RAP1B: variants seen among roughly 807,000 people sequenced by gnomAD.
The protein encoded by RAP1B is ras-related protein Rap-1b.
Under a neutral mutation model 27.5 loss-of-function variants are expected in RAP1B, and 1 was observed. That is an observed-to-expected ratio of 0.04 (90% CI 0.01 to 0.17). The LOEUF (loss-of-function observed/expected upper bound fraction) is 0.17, where lower values mean the gene tolerates loss of function less well. Among genes scored for constraint, RAP1B ranks in the 10% least tolerant of loss-of-function variants. RAP1B has a pLI of 1.00. For missense variants in RAP1B, 84 were observed against 214.8 expected (o/e 0.39, Z 3.81); for synonymous variants, 75 against 73.1 (o/e 1.03, Z -0.13).
chr12:68,630,673 GTTTTTGTT>G (rs1430114710), intron 1 of RAP1B, among the ~76,000 whole-genome samples: 9 of 151,766 alleles, frequency 5.9e-5, no homozygotes, highest in African/African-American at 2.2e-4. Context: ...GGTCTTTTTT[GTTTTTGTT>G]TTTTTGTTTT....
At chr12:68,635,876 T>C (rs911306086) in intron 1 of RAP1B, among the ~76,000 whole-genome samples, 1 of 123,988 alleles carries the variant, frequency 8.1e-6, no homozygotes. Context: ...ATTTTGGTTA[T>C]ACCCATGAAA....
At chr12:68,642,923 T>A (rs887176492) in intron 1 of RAP1B, 1 of 922,128 alleles carries the variant, frequency 1.1e-6, no homozygotes, top group Non-Finnish European at 1.8e-6. Flanking sequence ...AATGGCCTTT[T>A]GGTTCTGGGG....
Position 68,610,994 on chromosome 12 carries a change from G to A in RAP1B, c.-76G>A, listed in dbSNP as rs966110899. ...CGTGGCGCCTAGAGTAGCGACCCGGGGGGAGCGCGGGGCGACGCTGGCTGC... is the reference window on the plus strand; with the variant it reads ...CGTGGCGCCTAGAGTAGCGACCCGGAGGGAGCGCGGGGCGACGCTGGCTGC... On this transcript the variant is annotated 5_prime_UTR_variant, in exon 1 of 8. Transcript: ENST00000250559. The A allele has an allele frequency of 2.8e-5, 9 of 324,542 alleles. No individual in the cohort carries two copies. Among genetic ancestry groups the A allele is most frequent in the Middle Eastern group, 8.5e-4 (1 of 1,178 alleles). The allele number at this position is 324,542 out of a possible 1,614,324, so 20.1% of individuals were successfully genotyped here. A position where few individuals can be genotyped will look rare whatever the true frequency, so the allele number is the denominator to read the frequency against.
At position 68,640,001 on chromosome 12, in the gene RAP1B, C is replaced by T. The variant is rs1294703602; in HGVS notation, c.-26-8698C>T. 6.6e-5 allele frequency among the ~76,000 whole-genome samples: 10 copies of T among 151,916 alleles called. 1 individual carries two copies. The highest frequency in any genetic ancestry group is 6.6e-4 in the Admixed American group (10 of 15,258). On this transcript the variant is annotated intron_variant, in intron 1 of 7. Transcript: ENST00000250559. ...GATTACAGGCATGCACCACCACAAC[C>T]GGCTAATTTTTGTATTTTTAGTAGA...
chr12:68,656,630 CTA>C, intron 6 of RAP1B, 181 bp downstream of exon 6: 1 of 620,024 alleles, frequency 1.6e-6, no homozygotes. Context: ...ATTTCAGTCT[CTA>C]TTAAATACTT....
chr12:68,615,784 T>C (rs747443637), intron 1 of RAP1B, among the ~76,000 whole-genome samples: 40 of 152,096 alleles, frequency 2.6e-4, no homozygotes, highest in Admixed American at 8.5e-4. Context: ...TGTATATATA[T>C]ACACATACAT....
rs940763313 is a variant in RAP1B, at chr12:68,654,109, T to C, written c.184-3T>C. The C allele has an allele frequency of 4.4e-6, 7 of 1,576,422 alleles. No homozygotes were observed. The highest frequency in any genetic ancestry group is 2.7e-5 in the African/African-American group (2 of 73,828). On this transcript the variant is annotated splice_region_variant and splice_polypyrimidine_tract_variant and intron_variant, in intron 4 of 7. Coordinates refer to ENST00000250559, the MANE Select transcript of RAP1B (RefSeq NM_001010942.3). ...TTTTAACGTTCCTTTCTTTCTATTG[T>C]AGGAGCAATTTACAGCAATGAGGGA...
intron 2 of RAP1B, chr12:68,649,338 G>T (rs969400633): frequency 2.0e-5 from 3 of 152,594 alleles, no homozygotes; most frequent in African/African-American, 7.3e-5. Context: ...CACCATGCCT[G>T]GCTTGCTCTT....
intron 1 of RAP1B, among the ~76,000 whole-genome samples, chr12:68,631,968 G>A (rs938210549): frequency 2.6e-5 from 4 of 151,826 alleles, no homozygotes; most frequent in Admixed American, 2.0e-4. Flanking sequence ...GAGACTTTCC[G>A]TGCTTAAACC....
rs1215871643 is a variant in RAP1B at position 68,668,909 on chromosome 12, A to G, written c.*9660A>G. 1 of 152,190 alleles carries G rather than the reference A, an allele frequency of 6.6e-6. No homozygotes were observed. The highest frequency in any genetic ancestry group is 2.4e-5 in the African/African-American group (1 of 41,452). The allele number at this position is 152,190 out of a possible 1,614,324, so 9.4% of individuals were successfully genotyped here. Reference sequence around the variant, plus strand: ...GCCACCATTGCTCTAAGCACTTTACATGTGTTGTTCAACCCTCAGCAATGC... The same window carrying G: ...GCCACCATTGCTCTAAGCACTTTACGTGTGTTGTTCAACCCTCAGCAATGC... On this transcript the variant is annotated 3_prime_UTR_variant, in exon 8 of 8. Coordinates refer to ENST00000250559, the MANE Select transcript of RAP1B (RefSeq NM_001010942.3).
At chr12:68,612,724 T>G (rs531469089) in intron 1 of RAP1B, among the ~76,000 whole-genome samples, 4 of 152,254 alleles carry the variant, frequency 2.6e-5, no homozygotes, top group Admixed American at 6.5e-5. Flanking sequence ...ATACTCAGAT[T>G]AAATAACTTT....
intron 1 of RAP1B, among the ~76,000 whole-genome samples, chr12:68,637,778 T>G (rs1592445884): frequency 1.3e-5 from 2 of 152,138 alleles, no homozygotes; most frequent in East Asian, 3.8e-4. Context: ...AAAACTGAGT[T>G]TGGGCCTCAA....
chr12:68,618,553 G>T (rs2135914191), intron 1 of RAP1B, among the ~76,000 whole-genome samples: 1 of 152,240 alleles, frequency 6.6e-6, no homozygotes, highest in Non-Finnish European at 1.5e-5. Context: ...AGACATTTTT[G>T]GCGAGTCTAC....
chr12:68,649,758 T>G (rs1420973931), intron 2 of RAP1B: 2 of 152,258 alleles, frequency 1.3e-5, no homozygotes, highest in African/African-American at 4.8e-5. Context: ...TGATCCTGCA[T>G]GTATGTGTGT....
At position 68,662,008 on chromosome 12, in the gene RAP1B, C is replaced by CCA. The variant is rs1874617435; in HGVS notation, c.*2759_*2760insCA. The CCA allele has an allele frequency of 7.5e-6, 1 of 133,918 alleles. No homozygotes were observed. The highest frequency in any genetic ancestry group is 1.6e-5 in the Non-Finnish European group (1 of 63,400). The allele number at this position is 133,918 out of a possible 1,614,324, so 8.3% of individuals were successfully genotyped here. ...TGAATGCCAGTGCTATCCTCTAGGT[C>CCA]TATATATATATATATATATATATAT... On this transcript the variant is annotated 3_prime_UTR_variant, in exon 8 of 8. Coordinates refer to ENST00000250559, the MANE Select transcript of RAP1B (RefSeq NM_001010942.3).
chr12:68,611,507 C>T (rs1037406627), intron 1 of RAP1B, among the ~76,000 whole-genome samples: 2 of 151,998 alleles, frequency 1.3e-5, no homozygotes, highest in African/African-American at 4.8e-5. Flanking sequence ...GAACGGAAAC[C>T]AGAAAGTTGT....
intron 7 of RAP1B, chr12:68,657,645 A>G (rs1874299617): frequency 6.4e-6 from 1 of 157,422 alleles, no homozygotes; most frequent in Non-Finnish European, 1.4e-5. Context: ...TGACCTCGTG[A>G]TCTGCCCACC....
chr12:68,634,489 C>G (rs865785039), intron 1 of RAP1B, among the ~76,000 whole-genome samples: 43 of 151,772 alleles, frequency 2.8e-4, no homozygotes, highest in Admixed American at 1.1e-3. Flanking sequence ...TAAGTCACAT[C>G]TAGAGAATTG....
intron 1 of RAP1B, among the ~76,000 whole-genome samples, chr12:68,638,355 A>G (rs1872766427): frequency 1.3e-5 from 2 of 152,146 alleles, no homozygotes; most frequent in African/African-American, 4.8e-5. Context: ...CCTAATTTTT[A>G]GTTACATGGC....
Sources: allele counts gnomAD v4.1 joint callset (sites outside exome capture counted in the v4.1 genomes callset), GRCh38; gene constraint gnomAD v4.1.1; transcripts MANE v1.5; gene names NCBI Gene and HGNC (gene_info 2026-07-23, HGNC 2026-07-21).